ANKFN1: variants seen among roughly 807,000 people sequenced by gnomAD.
ANKFN1 encodes ankyrin repeat and fibronectin type-III domain-containing protein 1.
In ANKFN1, 74 loss-of-function variants were observed where a neutral mutation model predicts 108.7. The observed-to-expected ratio is 0.68, with a 90% CI of 0.56 to 0.83. The LOEUF is 0.83. Ranked by LOEUF, ANKFN1 falls within the 40% of genes least tolerant of loss-of-function variation. The pLI is 0.00. For synonymous variants in ANKFN1, 547 were observed against 516.2 expected (o/e 1.06, Z -0.81); for missense variants, 1,505 against 1,382.3 (o/e 1.09, Z -1.41).
chr17:56,317,221 A>T (rs1396690380), intron 3 of ANKFN1, among the ~76,000 whole-genome samples: 1 of 152,176 alleles, frequency 6.6e-6, no homozygotes, highest in African/African-American at 2.4e-5. Flanking sequence ...CCCCTCACTT[A>T]GAGGAGAAAA....
At chr17:56,247,584 T>C (rs1918049264) in intron 3 of ANKFN1, among the ~76,000 whole-genome samples, 2 of 152,186 alleles carry the variant, frequency 1.3e-5, no homozygotes, top group African/African-American at 4.8e-5. Context: ...TTACCTGATT[T>C]AATCCTATCA....
intron 4 of ANKFN1, among the ~76,000 whole-genome samples, chr17:56,336,568 C>T (rs529803042): frequency 5.9e-5 from 9 of 151,926 alleles, no homozygotes; most frequent in Non-Finnish European, 1.3e-4. Context: ...GGTGATATCC[C>T]CTTTATCATT....
chr17:56,330,194 A>T (rs921180059), intron 4 of ANKFN1, among the ~76,000 whole-genome samples: 1 of 125,012 alleles, frequency 8.0e-6, no homozygotes, highest in Non-Finnish European at 1.9e-5. Flanking sequence ...TGAAGTAAAG[A>T]GGTTTAATGG....
chr17:56,067,300 T>C (rs1905071676), intron 4 of ANKFN1, among the ~76,000 whole-genome samples: 1 of 152,218 alleles, frequency 6.6e-6, no homozygotes, highest in African/African-American at 2.4e-5. Context: ...CTTCCACCTC[T>C]TTTTCCTTTC....
chr17:56,282,952 C>T (rs891160626), intron 3 of ANKFN1, among the ~76,000 whole-genome samples: 65 of 152,004 alleles, frequency 4.3e-4, no homozygotes, highest in African/African-American at 1.5e-3. Flanking sequence ...GAACTGCTAC[C>T]CTATATGATT....
chr17:56,055,279 G>T (rs1904847378), intron 4 of ANKFN1, among the ~76,000 whole-genome samples: 1 of 151,718 alleles, frequency 6.6e-6, no homozygotes. Flanking sequence ...ATGTCCATGT[G>T]TACCCATTGT....
chr17:56,225,518 C>T (rs1357759682), intron 2 of ANKFN1, among the ~76,000 whole-genome samples: 1 of 152,126 alleles, frequency 6.6e-6, no homozygotes, highest in African/African-American at 2.4e-5. Flanking sequence ...CCAATTGTCC[C>T]TCCAACCAGA....
intron 4 of ANKFN1, among the ~76,000 whole-genome samples, chr17:56,057,552 G>A (rs1295136726): frequency 1.3e-5 from 2 of 152,180 alleles, no homozygotes; most frequent in Admixed American, 1.3e-4. Flanking sequence ...TTGAGAGGCA[G>A]AGGCGGGCAG....
rs554923683 is a variant in ANKFN1 at position 56,470,103 on chromosome 17, G to A, written c.1773+3532G>A. On this transcript the variant is annotated intron_variant, in intron 15 of 20. Coordinates refer to ENST00000682825, the MANE Select transcript of ANKFN1 (RefSeq NM_001370326.1). ...AGCTTCCAGCTCCATCCATGTCCCC[G>A]CAAAGGACATGATCTCATTCCTTCT... Among the ~76,000 whole-genome samples, 14 of 152,244 alleles carry A rather than the reference G, an allele frequency of 9.2e-5. No homozygotes were observed. In the South Asian group the frequency reaches 1.2e-3, roughly 14 times the overall value.
intron 8 of ANKFN1, among the ~76,000 whole-genome samples, chr17:56,383,759 A>G (rs2047175110): frequency 6.6e-6 from 1 of 152,102 alleles, no homozygotes; most frequent in Non-Finnish European, 1.5e-5. Context: ...GGACACATAC[A>G]CTCTCCCAAG....
intron 8 of ANKFN1, among the ~76,000 whole-genome samples, chr17:56,388,424 AC>A (rs2144859452): frequency 6.6e-6 from 1 of 152,262 alleles, no homozygotes; most frequent in East Asian, 1.9e-4. Flanking sequence ...GAGTCACTGC[AC>A]CCAGTCAGCT....
At chr17:56,122,959 G>A (rs1023710943) in intron 4 of ANKFN1, among the ~76,000 whole-genome samples, 8 of 152,182 alleles carry the variant, frequency 5.3e-5, no homozygotes, top group Admixed American at 2.0e-4. Flanking sequence ...TGGAAAAGGA[G>A]GGCAGAGAGT....
chr17:56,326,769 T>C (rs1386462608), intron 4 of ANKFN1, among the ~76,000 whole-genome samples: 1 of 152,226 alleles, frequency 6.6e-6, no homozygotes, highest in East Asian at 1.9e-4. Flanking sequence ...GGTTCCATCA[T>C]GCTGATAATC....
At chr17:56,152,139 A>G (rs1908670532), upstream of ANKFN1, among the ~76,000 whole-genome samples, 1 of 152,102 alleles carries the variant, frequency 6.6e-6, no homozygotes, top group South Asian at 2.1e-4. Context: ...AAAAAGTACT[A>G]TGGAAGCTGA....
chr17:56,188,804 T>A, intron 1 of ANKFN1, among the ~76,000 whole-genome samples: 1 of 151,766 alleles, frequency 6.6e-6, no homozygotes, highest in South Asian at 2.1e-4. Flanking sequence ...TTTGCCCTAA[T>A]GAGGCAACTC....
chr17:56,406,315 AG>A (rs2047919731), intron 8 of ANKFN1, among the ~76,000 whole-genome samples: 1 of 152,170 alleles, frequency 6.6e-6, no homozygotes, highest in Non-Finnish European at 1.5e-5. Context: ...GACAAACAGG[AG>A]AAAACAATAC....
intron 4 of ANKFN1, among the ~76,000 whole-genome samples, chr17:56,069,048 G>T (rs912117487): frequency 2.0e-5 from 3 of 152,190 alleles, no homozygotes; most frequent in Non-Finnish European, 4.4e-5. Flanking sequence ...CCTCATTATT[G>T]TGTAATTGGT....
intron 2 of ANKFN1, among the ~76,000 whole-genome samples, chr17:56,225,407 T>C (rs1399100098): frequency 2.6e-5 from 4 of 152,222 alleles, no homozygotes; most frequent in Admixed American, 6.5e-5. Flanking sequence ...TTAGACTTCC[T>C]GGACCTTTCT....
chr17:56,084,193 A>G (rs917528678), intron 4 of ANKFN1, among the ~76,000 whole-genome samples: 5 of 151,278 alleles, frequency 3.3e-5, no homozygotes, highest in African/African-American at 9.7e-5. Flanking sequence ...TATTTTGGTT[A>G]GGTTTAACCA....
Sources: allele counts gnomAD v4.1 joint callset (sites outside exome capture counted in the v4.1 genomes callset), GRCh38; gene constraint gnomAD v4.1.1; transcripts MANE v1.5; gene names NCBI Gene and HGNC (gene_info 2026-07-23, HGNC 2026-07-21).